Variants in COPG2 observed in about 807,000 individuals in gnomAD.
COPG2 encodes coatomer subunit gamma-2.
Under a neutral mutation model 46.3 loss-of-function variants are expected in COPG2, and 37 were observed. The ratio of observed to expected loss-of-function variants is 0.80; its 90% CI spans 0.61 to 1.05. The LOEUF (loss-of-function observed/expected upper bound fraction) is 1.05, where lower values mean the gene tolerates loss of function less well. Ranked by LOEUF, COPG2 falls within the 50% of genes least tolerant of loss-of-function variation. The probability of loss-of-function intolerance (pLI) is 0.00; values close to 1 mark genes in which losing one functional copy is unlikely to be tolerated. For missense variants in COPG2, 427 were observed against 387.8 expected (o/e 1.10, Z -0.85); for synonymous variants, 159 against 129.7 (o/e 1.23, Z -1.53).
chr7:130,561,569 T>C (rs1244264751), intron 11 of COPG2, among the ~76,000 whole-genome samples: 1 of 152,236 alleles, frequency 6.6e-6, no homozygotes, highest in Non-Finnish European at 1.5e-5. Flanking sequence ...TAGTAGTCAG[T>C]GCTCGACAAA....
chr7:130,610,546 T>G (rs372833116), intron 9 of COPG2: 1 of 521,166 alleles, frequency 1.9e-6, no homozygotes, highest in Non-Finnish European at 3.8e-6. Context: ...TAAAGTATAT[T>G]TGGTCACATC....
At chr7:130,638,297 C>T (rs968074705) in intron 5 of COPG2, among the ~76,000 whole-genome samples, 1 of 152,138 alleles carries the variant, frequency 6.6e-6, no homozygotes, top group Non-Finnish European at 1.5e-5. Context: ...CAGGCAGGAA[C>T]GTTCAAGTCT....
intron 20 of COPG2, among the ~76,000 whole-genome samples, chr7:130,540,818 C>T (rs939561732): frequency 2.0e-5 from 3 of 151,920 alleles, no homozygotes; most frequent in Admixed American, 6.6e-5. Flanking sequence ...GTGAATTTCA[C>T]GTGGAGGGAG....
rs184523875 is a variant in COPG2, at chr7:130,647,747, T to C, written c.323+5122A>G. On this transcript the variant is annotated intron_variant, in intron 5 of 23. Transcript: ENST00000425248. ...TCATTAAGATTTTTTTTTTTTTTTT[T>C]CGAGACGAAGTCTCACTCGGTCGCC... 7.3e-3 allele frequency among the ~76,000 whole-genome samples: 1,075 copies of C among 147,500 alleles called. 9 individuals are homozygous for C. Among genetic ancestry groups the C allele is most frequent in the Middle Eastern group, 0.014 (4 of 284 alleles).
chr7:130,552,455 T>A, intron 14 of COPG2, 25 bp from the exon 15 acceptor site: 1 of 398,282 alleles, frequency 2.5e-6, no homozygotes, highest in South Asian at 1.3e-4. Context: ...ACAATTATGG[T>A]ACATAAATAT....
chr7:130,668,488 G>A (rs1796146391), intron 1 of COPG2, 144 bp downstream of exon 1: 8 of 564,562 alleles, frequency 1.4e-5, no homozygotes, highest in Admixed American at 4.7e-5. Flanking sequence ...AGCCGCGAGG[G>A]GAGGGGAGGG....
At chr7:130,507,417 C>G in intron 22 of COPG2, 45 bp from the exon 23 acceptor site, 1 of 778,876 alleles carries the variant, frequency 1.3e-6, no homozygotes, top group South Asian at 1.3e-5. Context: ...AAGTAAAGCA[C>G]AGGGATCTCC....
chr7:130,653,992 A>G lies in COPG2; in HGVS notation c.244-1044T>C, dbSNP rs188427250. ...AGAAAAAAAAAGTTCTGTGAGAAGC[A>G]GAAGAAAACTAGAGATACGAAAAAA... On this transcript the variant is annotated intron_variant, in intron 4 of 23. Transcript: ENST00000425248. Among the ~76,000 whole-genome samples, 440 of 151,500 alleles carry G rather than the reference A, an allele frequency of 2.9e-3. 1 individual carries two copies. The highest frequency in any genetic ancestry group is 4.8e-3 in the Non-Finnish European group (324 of 67,758).
intron 15 of COPG2, among the ~76,000 whole-genome samples, chr7:130,551,556 A>G (rs1793534750): frequency 6.6e-6 from 1 of 152,250 alleles, no homozygotes; most frequent in Non-Finnish European, 1.5e-5. Flanking sequence ...AATCACAAGC[A>G]CTACATAAGT....
chr7:130,625,974 T>C (rs12667970), intron 5 of COPG2, among the ~76,000 whole-genome samples: 17,625 of 152,082 alleles, frequency 0.12, 1,181 homozygotes, highest in East Asian at 0.22. Flanking sequence ...TAATAATTTA[T>C]TTTTAACTGA....
At chr7:130,510,959 T>C in intron 20 of COPG2, 1 of 520,074 alleles carries the variant, frequency 1.9e-6, no homozygotes, top group Non-Finnish European at 3.8e-6. Flanking sequence ...AAGAATGCCC[T>C]GAAGATCTGC....
At chr7:130,521,427 G>A (rs1799722221) in intron 20 of COPG2, among the ~76,000 whole-genome samples, 1 of 152,172 alleles carries the variant, frequency 6.6e-6, no homozygotes, top group Non-Finnish European at 1.5e-5. Flanking sequence ...GAAAGGGACT[G>A]AGCAGTGAAT....
intron 9 of COPG2, among the ~76,000 whole-genome samples, chr7:130,596,312 A>C (rs1794525598): frequency 6.6e-6 from 1 of 152,058 alleles, no homozygotes; most frequent in South Asian, 2.1e-4. Flanking sequence ...CTCATACTTC[A>C]CACAAAAGTT....
intron 9 of COPG2, among the ~76,000 whole-genome samples, chr7:130,581,559 C>T (rs1335323088): frequency 7.2e-6 from 1 of 138,828 alleles, no homozygotes; most frequent in Non-Finnish European, 1.6e-5. Flanking sequence ...GTCAAATTGT[C>T]CCTGTTTGCA....
chr7:130,548,388 A>T lies in COPG2; in HGVS notation c.1977+15T>A. 2.5e-6 allele frequency: 1 copy of T among 398,598 alleles called. No individual in the cohort carries two copies. The highest frequency in any genetic ancestry group is 4.4e-6 in the Non-Finnish European group (1 of 226,042). 24.7% of individuals were successfully genotyped at this position (398,598 alleles called of 1,614,324 possible). On this transcript the variant is annotated intron_variant, in intron 19 of 23. Coordinates refer to ENST00000425248, the MANE Select transcript of COPG2 (RefSeq NM_012133.6). Reference sequence around the variant, plus strand: ...TTATACTAAATCTCTACAGCAGCCAAGGGCATTATCTTACCTGGAACACGA... The same window carrying T: ...TTATACTAAATCTCTACAGCAGCCATGGGCATTATCTTACCTGGAACACGA...
At chr7:130,535,249 T>C (rs1799867276) in intron 20 of COPG2, among the ~76,000 whole-genome samples, 2 of 151,904 alleles carry the variant, frequency 1.3e-5, no homozygotes, top group Admixed American at 6.5e-5. Context: ...GAAATGTGGA[T>C]GCAAGGGGAA....
intron 5 of COPG2, among the ~76,000 whole-genome samples, chr7:130,619,649 T>C (rs1329451250): frequency 6.6e-6 from 1 of 152,202 alleles, no homozygotes; most frequent in Non-Finnish European, 1.5e-5. Context: ...TGGTAATTCA[T>C]TTCCTGTAGC....
At chr7:130,628,018 G>GT (rs1554454549) in intron 5 of COPG2, among the ~76,000 whole-genome samples, 1 of 152,112 alleles carries the variant, frequency 6.6e-6, no homozygotes, top group East Asian at 1.9e-4. Flanking sequence ...CAACTAACGA[G>GT]AAGTCCATAC....
intron 1 of COPG2, among the ~76,000 whole-genome samples, chr7:130,668,230 C>A (rs547607827): frequency 6.6e-6 from 1 of 152,148 alleles, no homozygotes; most frequent in Non-Finnish European, 1.5e-5. Context: ...ACACCCTGTG[C>A]CGTCGACCCC....
Sources: gnomAD v4.1 joint callset for allele counts (sites outside exome capture counted in the v4.1 genomes callset) on GRCh38, gnomAD v4.1.1 for gene constraint, MANE v1.5 for transcripts, NCBI Gene and HGNC (gene_info 2026-07-23, HGNC 2026-07-21) for gene names.